Variants in GALNT17 observed in about 807,000 individuals in gnomAD.
GALNT17 encodes UDP-GalNAc:polypeptide N-acetylgalactosaminyltransferase-like 3.
GALNT17 carries 29 observed loss-of-function variants against 63.7 expected under a neutral mutation model. The observed-to-expected ratio is 0.46, with a 90% confidence interval of 0.34 to 0.62. The LOEUF is 0.62. Ranked by LOEUF, GALNT17 falls within the 20% of genes least tolerant of loss-of-function variation. The probability of loss-of-function intolerance (pLI) is 0.01; values close to 1 mark genes in which losing one functional copy is unlikely to be tolerated. For missense variants in GALNT17, 603 were observed against 799.6 expected, an observed-to-expected ratio of 0.75 and a Z score of 2.97; for synonymous variants, 305 against 318.3, an observed-to-expected ratio of 0.96 and a Z score of 0.45.
chr7:71,332,934 C>T (rs1173886093), intron 1 of GALNT17, among the ~76,000 whole-genome samples: 2 of 152,130 alleles, frequency 1.3e-5, no homozygotes, highest in Non-Finnish European at 2.9e-5. Context: ...GTGATCCGCC[C>T]ACCTCAGCCT....
chr7:71,352,916 G>A (rs1339858316), intron 2 of GALNT17, among the ~76,000 whole-genome samples: 8 of 152,122 alleles, frequency 5.3e-5, no homozygotes, highest in Admixed American at 6.5e-5. Context: ...TGCCAGAATC[G>A]TTCAGCAGAT....
chr7:71,636,553 A>G (rs1790531062), intron 6 of GALNT17, among the ~76,000 whole-genome samples: 1 of 152,202 alleles, frequency 6.6e-6, no homozygotes, highest in African/African-American at 2.4e-5. Context: ...ATAGCAGGCG[A>G]CGTCATCAGC....
At chr7:71,218,439 A>G (rs939992622) in intron 1 of GALNT17, among the ~76,000 whole-genome samples, 2 of 152,164 alleles carry the variant, frequency 1.3e-5, no homozygotes, top group Non-Finnish European at 1.5e-5. Context: ...AAACCCTCCT[A>G]AGAATTGCTT....
chr7:71,181,266 A>T (rs958100887), intron 1 of GALNT17, among the ~76,000 whole-genome samples: 1 of 151,502 alleles, frequency 6.6e-6, no homozygotes, highest in African/African-American at 2.4e-5. Context: ...AAAAAAAAAA[A>T]AAGTAATGGC....
At chr7:71,585,921 T>TG (rs1789710961) in intron 6 of GALNT17, among the ~76,000 whole-genome samples, 1 of 151,182 alleles carries the variant, frequency 6.6e-6, no homozygotes, top group African/African-American at 2.4e-5. Context: ...TTTCTTTTTT[T>TG]TTTTTTTGAG....
At chr7:71,568,514 C>T (rs892068820) in intron 5 of GALNT17, among the ~76,000 whole-genome samples, 2 of 152,174 alleles carry the variant, frequency 1.3e-5, no homozygotes, top group African/African-American at 2.4e-5. Context: ...AGCAAAATGC[C>T]TTAAACATCT....
chr7:71,388,543 T>C, intron 3 of GALNT17, 142 bp downstream of exon 3: 1 of 1,082,424 alleles, frequency 9.2e-7, no homozygotes, highest in East Asian at 2.7e-5. Context: ...TTTTCTTTTT[T>C]TGAGATGGAG....
chr7:71,301,374 T>A (rs937130466), intron 1 of GALNT17, among the ~76,000 whole-genome samples: 2 of 147,222 alleles, frequency 1.4e-5, no homozygotes, highest in African/African-American at 2.5e-5. Flanking sequence ...TACTAATAAT[T>A]ATATATAATA....
At chr7:71,395,101 C>G (rs1563061358) in intron 3 of GALNT17, among the ~76,000 whole-genome samples, 1 of 151,492 alleles carries the variant, frequency 6.6e-6, no homozygotes, top group East Asian at 1.9e-4. Flanking sequence ...GAGTCTGTCT[C>G]AAAAAAACAA....
intron 5 of GALNT17, among the ~76,000 whole-genome samples, chr7:71,539,605 A>T (rs939945532): frequency 6.6e-6 from 1 of 152,022 alleles, no homozygotes; most frequent in African/African-American, 2.4e-5. Context: ...CGATGTGTCA[A>T]ACTTTGAGTA....
intron 1 of GALNT17, among the ~76,000 whole-genome samples, chr7:71,141,903 A>T (rs896080209): frequency 7.0e-6 from 1 of 143,448 alleles, no homozygotes. Context: ...TAGTAGAGAC[A>T]GGGTTTCACC....
intron 6 of GALNT17, among the ~76,000 whole-genome samples, chr7:71,654,957 T>A (rs2117028937): frequency 6.6e-6 from 1 of 152,170 alleles, no homozygotes; most frequent in South Asian, 2.1e-4. Context: ...CCCAGCTAGT[T>A]TTTTGTATTT....
At chr7:71,207,109 GAA>G (rs549350106) in intron 1 of GALNT17, among the ~76,000 whole-genome samples, 1 of 138,836 alleles carries the variant, frequency 7.2e-6, no homozygotes. Flanking sequence ...CTGTCTCAAA[GAA>G]AAAAAAAAAA....
At chr7:71,381,931 T>A (rs1007254258) in intron 2 of GALNT17, among the ~76,000 whole-genome samples, 1 of 152,072 alleles carries the variant, frequency 6.6e-6, no homozygotes, top group Admixed American at 6.6e-5. Context: ...TGGTTCTGTC[T>A]AGAGCTGGGG....
At chr7:71,244,709 A>T (rs923687118) in intron 1 of GALNT17, among the ~76,000 whole-genome samples, 3 of 152,146 alleles carry the variant, frequency 2.0e-5, no homozygotes, top group Admixed American at 2.0e-4. Flanking sequence ...TCATGCTTGC[A>T]ACACTGAGGT....
chr7:71,281,623 C>T (rs1205531183), intron 1 of GALNT17, among the ~76,000 whole-genome samples: 1 of 152,204 alleles, frequency 6.6e-6, no homozygotes, highest in Non-Finnish European at 1.5e-5. Context: ...TTATCTCTGA[C>T]ACCTCTCACT....
intron 1 of GALNT17, among the ~76,000 whole-genome samples, chr7:71,137,309 T>C (rs903486529): frequency 2.0e-5 from 3 of 151,828 alleles, no homozygotes; most frequent in African/African-American, 7.3e-5. Context: ...CCGGCTAATT[T>C]TTTGTATTTT....
At chr7:71,234,939 G>T (rs1447346326) in intron 1 of GALNT17, among the ~76,000 whole-genome samples, 1 of 152,108 alleles carries the variant, frequency 6.6e-6, no homozygotes, top group Non-Finnish European at 1.5e-5. Flanking sequence ...GTTTGATTTT[G>T]ATCTTAAGGA....
intron 5 of GALNT17, among the ~76,000 whole-genome samples, chr7:71,453,063 T>C (rs1279189204): frequency 6.6e-6 from 1 of 152,104 alleles, no homozygotes; most frequent in African/African-American, 2.4e-5. Context: ...TCCAGGAGGG[T>C]AAGAGACATG....
Sources: allele counts gnomAD v4.1 joint callset (sites outside exome capture counted in the v4.1 genomes callset), GRCh38; gene constraint gnomAD v4.1.1; transcripts MANE v1.5; gene names NCBI Gene and HGNC (gene_info 2026-07-23, HGNC 2026-07-21).